LRBA: variants seen among roughly 807,000 people sequenced by gnomAD.
LRBA encodes lipopolysaccharide-responsive and beige-like anchor protein.
Under a neutral mutation model 330.0 loss-of-function variants are expected in LRBA, and 176 were observed. That is an observed-to-expected ratio of 0.53 (90% confidence interval 0.47 to 0.60). The LOEUF is 0.60. Among genes scored for constraint, LRBA ranks in the 20% least tolerant of loss-of-function variants. The pLI is 0.00. For missense variants in LRBA, 3,259 were observed against 3,444.8 expected (o/e 0.95, Z 1.35); for synonymous variants, 1,230 against 1,193.0 (o/e 1.03, Z -0.64).
At chr4:150,533,195 A>AT (rs1198337832) in intron 40 of LRBA, among the ~76,000 whole-genome samples, 1 of 151,868 alleles carries the variant, frequency 6.6e-6, no homozygotes, top group Admixed American at 6.6e-5. Context: ...TTGTTTTTTA[A>AT]TTTTTTTGAG....
At chr4:150,574,580 C>T (rs1770293201) in intron 40 of LRBA, among the ~76,000 whole-genome samples, 1 of 151,960 alleles carries the variant, frequency 6.6e-6, no homozygotes, top group Non-Finnish European at 1.5e-5. Flanking sequence ...TAGATTGATG[C>T]TTTGCTGATA....
intron 51 of LRBA, among the ~76,000 whole-genome samples, chr4:150,314,240 A>G (rs1731439700): frequency 6.6e-6 from 1 of 152,144 alleles, no homozygotes; most frequent in Non-Finnish European, 1.5e-5. Context: ...AATGGGCTTT[A>G]TTATTTTCCT....
intron 44 of LRBA, among the ~76,000 whole-genome samples, chr4:150,445,472 G>A (rs1246507332): frequency 6.7e-6 from 1 of 149,584 alleles, no homozygotes; most frequent in Non-Finnish European, 1.5e-5. Context: ...GGGAAACTGT[G>A]TGCTTATTGT....
At chr4:150,457,180 C>T (rs1754186453) in intron 44 of LRBA, among the ~76,000 whole-genome samples, 1 of 152,036 alleles carries the variant, frequency 6.6e-6, no homozygotes, top group Non-Finnish European at 1.5e-5. Flanking sequence ...CAAAAACTTG[C>T]TTCAAATGAT....
intron 36 of LRBA, among the ~76,000 whole-genome samples, chr4:150,724,196 T>G (rs1236275992): frequency 1.3e-5 from 2 of 152,154 alleles, no homozygotes; most frequent in Non-Finnish European, 2.9e-5. Context: ...TCTAACCCAG[T>G]GCAGCCCTAG....
intron 28 of LRBA, among the ~76,000 whole-genome samples, chr4:150,843,695 G>A (rs1390875131): frequency 1.3e-5 from 2 of 152,154 alleles, no homozygotes; most frequent in Non-Finnish European, 1.5e-5. Flanking sequence ...AATTAAGACT[G>A]CTGGGTTTGA....
intron 56 of LRBA, among the ~76,000 whole-genome samples, chr4:150,267,236 T>C (rs1252877625): frequency 1.3e-5 from 2 of 152,166 alleles, no homozygotes; most frequent in African/African-American, 4.8e-5. Context: ...CAATAGAATA[T>C]ACATTTTTTT....
At chr4:151,009,226 T>G (rs1457338260) in intron 2 of LRBA, among the ~76,000 whole-genome samples, 1 of 151,102 alleles carries the variant, frequency 6.6e-6, no homozygotes, top group Non-Finnish European at 1.5e-5. Flanking sequence ...CTATTAGGTA[T>G]TCTAAGTAAT....
Position 150,710,248 on chromosome 4 carries a change from G to A in LRBA, c.5754+25010C>T, listed in dbSNP as rs372206027. ...TAAGTGTGTAGTAAGGGAAAAAATG[G>A]GTAATGGGTGATTTATGTAAGCAAG... On this transcript the variant is annotated intron_variant, in intron 36 of 56. Transcript: ENST00000651943. 3.3e-5 allele frequency among the ~76,000 whole-genome samples: 5 copies of A among 152,160 alleles called. No homozygotes were observed. In the East Asian group the frequency reaches 9.6e-4, roughly 29 times the overall value.
chr4:150,772,600 T>G (rs186997551), intron 34 of LRBA, among the ~76,000 whole-genome samples: 1 of 152,286 alleles, frequency 6.6e-6, no homozygotes, highest in Admixed American at 6.5e-5. Context: ...TTAAACCTAG[T>G]GACAGGCCAA....
rs1186095928 is a variant in LRBA, at chr4:150,735,326, C to T, written c.5686G>A (p.Ala1896Thr). 1 of 1,613,642 alleles carries T rather than the reference C, an allele frequency of 6.2e-7. No individual in the cohort carries two copies. Among genetic ancestry groups the T allele is most frequent in the East Asian group, 2.2e-5 (1 of 44,854 alleles). ...QTMKDHLVRVANEAEFILSRQ... is the reference protein window; with the variant it reads ...QTMKDHLVRVTNEAEFILSRQ... ...CTCAGGATAAATTCAGCTTCATTTG[C>T]TACTCTTACTAGATGATCCTTCATT... Residue 1896 changes from alanine to threonine, a missense_variant, in exon 36 of 57, where the codon GCA becomes ACA. By Grantham distance (58) the Ala-to-Thr change is moderately conservative (BLOSUM62 0). Transcript: ENST00000651943.
At chr4:150,787,844 C>G (rs1739304741) in intron 34 of LRBA, among the ~76,000 whole-genome samples, 1 of 152,192 alleles carries the variant, frequency 6.6e-6, no homozygotes, top group Non-Finnish European at 1.5e-5. Flanking sequence ...TCTACTATCT[C>G]TGAGTTCAAC....
At chr4:150,590,586 A>C (rs1772692423) in intron 39 of LRBA, 127 bp downstream of exon 39, 1 of 752,458 alleles carries the variant, frequency 1.3e-6, no homozygotes, top group African/African-American at 1.8e-5. Flanking sequence ...GAAGTATTTG[A>C]AATAACCAAT....
At chr4:150,919,851 A>G (rs186854008) in intron 5 of LRBA, among the ~76,000 whole-genome samples, 67 of 152,336 alleles carry the variant, frequency 4.4e-4, no homozygotes, top group African/African-American at 1.6e-3. Flanking sequence ...CACCTGCCCT[A>G]CTTTCAAGAT....
chr4:150,557,697 T>C (rs7659148), intron 40 of LRBA, among the ~76,000 whole-genome samples: 12,155 of 152,206 alleles, frequency 0.08, 844 homozygotes, highest in East Asian at 0.18. Flanking sequence ...ATGGTTAGAA[T>C]GGGGTTACAG....
intron 47 of LRBA, among the ~76,000 whole-genome samples, chr4:150,351,247 T>C (rs1046946540): frequency 2.6e-5 from 4 of 152,208 alleles, no homozygotes; most frequent in Admixed American, 2.6e-4. Flanking sequence ...AAACTAAAGA[T>C]ATTTTTTAGG....
chr4:150,914,349 A>AT lies in LRBA; in HGVS notation c.1015-9_1015-8insA. 1 of 1,494,074 alleles carries AT rather than the reference A, an allele frequency of 6.7e-7. No individual in the cohort carries two copies. The highest frequency in any genetic ancestry group is 8.9e-7 in the Non-Finnish European group (1 of 1,118,406). The allele number at this position is 1,494,074 out of a possible 1,614,324, so 92.6% of individuals were successfully genotyped here. A position where few individuals can be genotyped will look rare whatever the true frequency, so the allele number is the denominator to read the frequency against. ...GAAACATTTGTCAAAGGTCTGTAAAAGAAAAAAAAAAAGGAATTAGGAAAA... is the reference window on the plus strand; with the variant it reads ...GAAACATTTGTCAAAGGTCTGTAAAATGAAAAAAAAAAAGGAATTAGGAAAA... On this transcript the variant is annotated splice_polypyrimidine_tract_variant and intron_variant, in intron 8 of 56. Transcript: ENST00000651943.
At chr4:150,822,253 C>T (rs1041254811) in intron 30 of LRBA, among the ~76,000 whole-genome samples, 1 of 152,140 alleles carries the variant, frequency 6.6e-6, no homozygotes, top group African/African-American at 2.4e-5. Context: ...TACACCTAAG[C>T]ATGATTTCCT....
At chr4:150,769,062 G>A (rs752805969) in intron 34 of LRBA, among the ~76,000 whole-genome samples, 73 of 149,908 alleles carry the variant, frequency 4.9e-4, no homozygotes, top group Non-Finnish European at 1.6e-4. Flanking sequence ...TCAGCTTTCC[G>A]AGTAGCTAGG....
Sources: gnomAD v4.1 joint callset for allele counts (sites outside exome capture counted in the v4.1 genomes callset) on GRCh38, gnomAD v4.1.1 for gene constraint, MANE v1.5 for transcripts, NCBI Gene and HGNC (gene_info 2026-07-23, HGNC 2026-07-21) for gene names.